The following CTSH variants were observed in gnomAD, a reference collection of about 807,000 sequenced individuals.
The protein encoded by CTSH is cathepsin H, also known as pro-cathepsin H.
Under a neutral mutation model 56.3 loss-of-function variants are expected in CTSH, and 52 were observed. That is an observed-to-expected ratio of 0.92 (90% confidence interval 0.74 to 1.16). CTSH has a LOEUF of 1.16. CTSH is among the 50% of genes most tolerant of loss of function. CTSH has a pLI of 0.00. For missense variants in CTSH, 406 were observed against 424.5 expected (o/e 0.96, Z 0.38); for synonymous variants, 174 against 155.7 (o/e 1.12, Z -0.88).
Position 78,942,342 on chromosome 15 carries a change from A to G in CTSH, c.91+2549T>C, listed in dbSNP as rs377004313. Among the ~76,000 whole-genome samples the G allele has an allele frequency of 7.9e-5, 12 of 151,546 alleles. No individual in the cohort carries two copies. The East Asian group carries it at 2.1e-3, about 27-fold the overall frequency. On this transcript the variant is annotated intron_variant, in intron 1 of 11. Coordinates refer to ENST00000220166, the MANE Select transcript of CTSH (RefSeq NM_004390.5). ...GCAATTCTATCTCAGCCTCCCAAGT[A>G]GCTGGGATTACAGGTGCCCACCACC... is the stretch of plus-strand genomic sequence containing the variant.
intron 2 of CTSH, among the ~76,000 whole-genome samples, chr15:78,938,758 C>G (rs532700754): frequency 3.3e-5 from 5 of 152,254 alleles, no homozygotes; most frequent in Admixed American, 6.5e-5. Flanking sequence ...AATTTCCTTT[C>G]TTTTGGATAT....
At chr15:78,940,390 T>G (rs1383550881) in intron 1 of CTSH, among the ~76,000 whole-genome samples, 1 of 151,902 alleles carries the variant, frequency 6.6e-6, no homozygotes, top group Non-Finnish European at 1.5e-5. Context: ...TTGGGACCAG[T>G]CTGGGCAACA....
At chr15:78,934,109 C>G (rs531030766) in intron 5 of CTSH, among the ~76,000 whole-genome samples, 7 of 152,318 alleles carry the variant, frequency 4.6e-5, no homozygotes, top group Non-Finnish European at 1.0e-4. Context: ...CCTCCTGCTG[C>G]AAGGGGAGGT....
At chr15:78,922,318 A>C in intron 11 of CTSH, 113 bp from the exon 12 acceptor site, 1 of 809,820 alleles carries the variant, frequency 1.2e-6, no homozygotes, top group Non-Finnish European at 2.1e-6. Flanking sequence ...CTCTAAATTT[A>C]TTCATAAAAC....
At chr15:78,932,798 A>T (rs1448051129) in intron 5 of CTSH, among the ~76,000 whole-genome samples, 1 of 152,108 alleles carries the variant, frequency 6.6e-6, no homozygotes, top group Non-Finnish European at 1.5e-5. Flanking sequence ...CCATTCTGCC[A>T]GGGCCTGGAG....
intron 7 of CTSH, among the ~76,000 whole-genome samples, chr15:78,930,481 C>T (rs1379553797): frequency 9.9e-5 from 15 of 151,728 alleles, no homozygotes; most frequent in Admixed American, 2.0e-4. Context: ...GAGCTGAGAT[C>T]GCGCCACTGC....
chr15:78,939,602 C>T (rs1249770554), intron 1 of CTSH, among the ~76,000 whole-genome samples: 2 of 152,332 alleles, frequency 1.3e-5, no homozygotes, highest in African/African-American at 2.4e-5. Flanking sequence ...AAGCTATCTA[C>T]TCCAGCTGGG....
chr15:78,931,797 A>G (rs1000268396), intron 6 of CTSH: 2 of 1,353,164 alleles, frequency 1.5e-6, no homozygotes, highest in Non-Finnish European at 1.9e-6. Context: ...TGCCCATACG[A>G]TGCAGAGTGT....
chr15:78,924,103 G>GC (rs1317101435), intron 10 of CTSH, among the ~76,000 whole-genome samples: 2 of 126,748 alleles, frequency 1.6e-5, no homozygotes, highest in South Asian at 3.0e-4. Flanking sequence ...CAGCGGGGGG[G>GC]GGGGGGAGGG....
chr15:78,937,014 C>A lies in CTSH; in HGVS notation c.229+304G>T, dbSNP rs76232929. ...GAGCCCATGAGCAACCCCTACCCCC[C>A]GCAACAATCCAAAGACAGACCTTGG... On this transcript the variant is annotated intron_variant, in intron 3 of 11. Transcript: ENST00000220166. The A allele has an allele frequency of 7.7e-5, 27 of 350,028 alleles. No homozygotes were observed. In the South Asian group the frequency reaches 8.4e-4, roughly 11 times the overall value. The allele number at this position is 350,028 out of a possible 1,614,324, so 21.7% of individuals were successfully genotyped here. A position where few individuals can be genotyped will look rare whatever the true frequency, so the allele number is the denominator to read the frequency against.
At chr15:78,940,120 C>G (rs2055257658) in intron 1 of CTSH, among the ~76,000 whole-genome samples, 1 of 152,174 alleles carries the variant, frequency 6.6e-6, no homozygotes, top group Non-Finnish European at 1.5e-5. Flanking sequence ...CAAATATGTA[C>G]AGATATTATC....
rs891567947 is a variant in CTSH, at chr15:78,936,050, G to A, written c.230-300C>T. ...ACTTACTTTTTTAGATACTCCCCTC[G>A]TGAGTCTGATGGATAGCTAGGTAAA... is the stretch of plus-strand genomic sequence containing the variant. On this transcript the variant is annotated intron_variant, in intron 3 of 11. Transcript: ENST00000220166. 2.0e-5 allele frequency among the ~76,000 whole-genome samples: 3 copies of A among 152,076 alleles called. No individual in the cohort carries two copies. The South Asian group carries it at 6.2e-4, about 32-fold the overall frequency.
chr15:78,922,466 G>T (rs573950292), intron 11 of CTSH, among the ~76,000 whole-genome samples: 240 of 152,274 alleles, frequency 1.6e-3, no homozygotes, highest in African/African-American at 5.6e-3. Flanking sequence ...CCCCCTCTTA[G>T]CCCTGGCCGG....
At chr15:78,934,672 G>A (rs2055135674) in intron 5 of CTSH, among the ~76,000 whole-genome samples, 1 of 152,230 alleles carries the variant, frequency 6.6e-6, no homozygotes, top group Non-Finnish European at 1.5e-5. Context: ...GATGGGCACA[G>A]GGAACATAAC....
At position 78,921,865 on chromosome 15, in the gene CTSH, A is replaced by T; in HGVS notation, c.*265T>A. ...TGGAAAGTAGCCCTTCTGGACAGAA[A>T]GAATATTCGTGGTCCATGTGGTTTG... On this transcript the variant is annotated 3_prime_UTR_variant, in exon 12 of 12. Transcript: ENST00000220166. 1 of 500,096 alleles carries T rather than the reference A, an allele frequency of 2.0e-6. No homozygotes were observed. Among genetic ancestry groups the T allele is most frequent in the Non-Finnish European group, 3.6e-6 (1 of 279,874 alleles). The allele number at this position is 500,096 out of a possible 1,614,324, so 31.0% of individuals were successfully genotyped here.
At chr15:78,942,454 C>T (rs554326289) in intron 1 of CTSH, among the ~76,000 whole-genome samples, 21 of 152,126 alleles carry the variant, frequency 1.4e-4, no homozygotes, top group Non-Finnish European at 2.5e-4. Flanking sequence ...CTCAGGTGAT[C>T]CACCCACCTT....
rs200021038 is a variant in CTSH at position 78,932,360 on chromosome 15, C to T, written c.492+12G>A. On this transcript the variant is annotated intron_variant, in intron 6 of 11. Coordinates refer to ENST00000220166, the MANE Select transcript of CTSH (RefSeq NM_004390.5). ...GTCCTCCGCAGGGGGTCGCCTGTGGCTGATTTCTTACCAAGGACAGCATCT... is the reference window on the plus strand; with the variant it reads ...GTCCTCCGCAGGGGGTCGCCTGTGGTTGATTTCTTACCAAGGACAGCATCT... 1.2e-6 allele frequency: 2 copies of T among 1,613,144 alleles called. No individual in the cohort carries two copies. Among genetic ancestry groups the T allele is most frequent in the East Asian group, 4.5e-5 (2 of 44,862 alleles).
intron 1 of CTSH, among the ~76,000 whole-genome samples, chr15:78,939,784 G>C (rs113452494): frequency 0.1 from 15,247 of 152,266 alleles, 844 homozygotes; most frequent in East Asian, 0.26. Context: ...CTACTCGGGA[G>C]GCTGAGGAGA....
intron 11 of CTSH, 50 bp from the exon 12 acceptor site, chr15:78,922,255 G>C (rs1246151629): frequency 1.4e-6 from 2 of 1,468,966 alleles, no homozygotes; most frequent in Non-Finnish European, 1.9e-6. Flanking sequence ...CCCACCACAG[G>C]CCTTTCTAGA....
Sources: gnomAD v4.1 joint callset for allele counts (sites outside exome capture counted in the v4.1 genomes callset) on GRCh38, gnomAD v4.1.1 for gene constraint, MANE v1.5 for transcripts, NCBI Gene and HGNC (gene_info 2026-07-23, HGNC 2026-07-21) for gene names.